RNGTT: variants seen among roughly 807,000 people sequenced by gnomAD.
RNGTT encodes RNA guanylyltransferase and 5'-phosphatase.
In RNGTT, 33 loss-of-function variants were observed where a neutral mutation model predicts 79.3. The observed-to-expected ratio is 0.42, with a 90% CI of 0.32 to 0.56. RNGTT has a LOEUF of 0.56. RNGTT is among the 20% of genes least tolerant of loss of function. RNGTT has a pLI of 0.17. For missense variants in RNGTT, 497 were observed against 739.1 expected, an observed-to-expected ratio of 0.67 and a Z score of 3.80; for synonymous variants, 222 against 235.9, an observed-to-expected ratio of 0.94 and a Z score of 0.54.
chr6:88,871,786 T>A (rs1232404519), intron 8 of RNGTT, among the ~76,000 whole-genome samples: 1 of 152,100 alleles, frequency 6.6e-6, no homozygotes, highest in Admixed American at 6.6e-5. Context: ...GGAATTAAGC[T>A]ACCATAAATC....
chr6:88,790,257 A>G (rs1365227167), intron 12 of RNGTT, among the ~76,000 whole-genome samples: 1 of 152,224 alleles, frequency 6.6e-6, no homozygotes, highest in Non-Finnish European at 1.5e-5. Flanking sequence ...ATAACAGGTA[A>G]CCTAGAAGGC....
At chr6:88,896,861 T>C (rs776679686) in intron 6 of RNGTT, among the ~76,000 whole-genome samples, 50 of 152,182 alleles carry the variant, frequency 3.3e-4, no homozygotes, top group Non-Finnish European at 6.6e-4. Flanking sequence ...TCAACATCCA[T>C]TGAAATAACT....
chr6:88,891,996 G>C (rs1254288591), intron 6 of RNGTT, 81 bp from the exon 7 acceptor site: 1 of 949,454 alleles, frequency 1.1e-6, no homozygotes, highest in Non-Finnish European at 1.5e-6. Context: ...AAGAGACTGA[G>C]AGATAAATTA....
chr6:88,711,292 C>A (rs917752088), intron 13 of RNGTT, among the ~76,000 whole-genome samples: 1 of 152,120 alleles, frequency 6.6e-6, no homozygotes, highest in Non-Finnish European at 1.5e-5. Context: ...AGACACCTTA[C>A]CAAGAATTAG....
intron 14 of RNGTT, among the ~76,000 whole-genome samples, chr6:88,643,064 A>T (rs1385687629): frequency 6.6e-6 from 1 of 152,158 alleles, no homozygotes; most frequent in Non-Finnish European, 1.5e-5. Flanking sequence ...TTAAGTCAAA[A>T]ATGCATTTAA....
rs547733486 is a variant in RNGTT, at chr6:88,776,956, G to C, written c.1339-7082C>G. Among the ~76,000 whole-genome samples, 6 of 152,196 alleles carry C rather than the reference G, an allele frequency of 3.9e-5. No individual in the cohort carries two copies. In the South Asian group the frequency reaches 1.2e-3, roughly 32 times the overall value. On this transcript the variant is annotated intron_variant, in intron 12 of 15. Transcript: ENST00000369485. ...CAACATCAAGGAGCTTTTCCACTAT[G>C]TTTTCTTCTAGGAGTTTTACAGTTT...
chr6:88,657,209 T>TGA (rs138485015), intron 14 of RNGTT, among the ~76,000 whole-genome samples: 3,544 of 152,232 alleles, frequency 0.023, 156 homozygotes, highest in African/African-American at 0.079. Flanking sequence ...TCCCAAAGTA[T>TGA]GACAGGGGAA....
chr6:88,630,923 T>C (rs752624820), intron 14 of RNGTT, among the ~76,000 whole-genome samples: 2 of 152,244 alleles, frequency 1.3e-5, no homozygotes, highest in Admixed American at 6.5e-5. Context: ...AGCACTTCAA[T>C]TGAACATACA....
chr6:88,818,237 A>G (rs1011071670), intron 11 of RNGTT, among the ~76,000 whole-genome samples: 2 of 152,148 alleles, frequency 1.3e-5, no homozygotes, highest in Non-Finnish European at 2.9e-5. Context: ...TTTGAAAGTC[A>G]GCATATTAGA....
chr6:88,664,343 C>T (rs1332031196), intron 14 of RNGTT, among the ~76,000 whole-genome samples: 2 of 152,130 alleles, frequency 1.3e-5, no homozygotes, highest in Non-Finnish European at 2.9e-5. Context: ...TGAAAATCAG[C>T]GCATGATTAA....
chr6:88,647,483 G>A (rs1773610743), intron 14 of RNGTT, among the ~76,000 whole-genome samples: 1 of 152,008 alleles, frequency 6.6e-6, no homozygotes, highest in Non-Finnish European at 1.5e-5. Flanking sequence ...AGCACTTTGG[G>A]AGGCCAAGAC....
chr6:88,824,144 G>C (rs182546218), intron 11 of RNGTT, among the ~76,000 whole-genome samples: 69 of 152,206 alleles, frequency 4.5e-4, no homozygotes, highest in Non-Finnish European at 9.0e-4. Context: ...TTAACAACAG[G>C]AGTGTCTTCT....
chr6:88,726,521 A>G (rs948157225), intron 13 of RNGTT, among the ~76,000 whole-genome samples: 4 of 152,228 alleles, frequency 2.6e-5, no homozygotes, highest in Non-Finnish European at 5.9e-5. Flanking sequence ...GTTTCCTAAC[A>G]TGGGATCTAA....
chr6:88,647,701 T>TAAAAAAAAAAAAAAAAAAAAA lies in RNGTT; in HGVS notation c.1506+30651_1506+30652insTTTTTTTTTTTTTTTTTTTTT, dbSNP rs746472579. Among the ~76,000 whole-genome samples, 174 of 100,774 alleles carry TAAAAAAAAAAAAAAAAAAAAA rather than the reference T, an allele frequency of 1.7e-3. 1 individual carries two copies. The highest frequency in any genetic ancestry group is 4.9e-3 in the Middle Eastern group (1 of 206). 66.1% of individuals were successfully genotyped at this position (100,774 alleles called of 152,430 possible). ...CTGGGTGACAGAACCGACACCCTGTTAAAAAAAAAAAAAAAAGAAGAAGAA... is the reference window on the plus strand; with the variant it reads ...CTGGGTGACAGAACCGACACCCTGTTAAAAAAAAAAAAAAAAAAAAAAAAAAAAAAAAAAAAAGAAGAAGAA... On this transcript the variant is annotated intron_variant, in intron 14 of 15. Transcript: ENST00000369485.
Position 88,839,139 on chromosome 6 carries a change from T to C in RNGTT, c.1269+5218A>G, listed in dbSNP as rs578101573. Among the ~76,000 whole-genome samples the C allele has an allele frequency of 9.9e-5, 15 of 152,080 alleles. No homozygotes were observed. In the South Asian group the frequency reaches 1.7e-3, roughly 17 times the overall value. ...TGTTAGCTAAGTTATGGCATACTGA[T>C]ACAATGAAAATCTGTGCAACTGTTA... On this transcript the variant is annotated intron_variant, in intron 11 of 15. Coordinates refer to ENST00000369485, the MANE Select transcript of RNGTT (RefSeq NM_003800.5).
intron 1 of RNGTT, among the ~76,000 whole-genome samples, chr6:88,962,779 A>G (rs1785680623): frequency 6.6e-6 from 1 of 152,028 alleles, no homozygotes; most frequent in Admixed American, 6.6e-5. Flanking sequence ...ATAAATAAAA[A>G]AATTAGCCGG....
At chr6:88,755,959 C>CAAAAAAAAAAAAAAAAAAAAAAAAAA (rs1157096180) in intron 13 of RNGTT, among the ~76,000 whole-genome samples, 2 of 30,526 alleles carry the variant, frequency 6.6e-5, no homozygotes, top group African/African-American at 1.0e-4. Flanking sequence ...GACTCCGTCT[C>CAAAAAAAAAAAAAAAAAAAAAAAAAA]AAAAAAAAAA....
chr6:88,755,554 G>T (rs1777983112), intron 13 of RNGTT, among the ~76,000 whole-genome samples: 1 of 152,026 alleles, frequency 6.6e-6, no homozygotes, highest in Non-Finnish European at 1.5e-5. Context: ...TCCAATAAAA[G>T]CTAGGGGGGA....
chr6:88,951,396 GAAGAAAGTTCTACCATGGCTA>G lies in RNGTT; in HGVS notation c.65-10237_65-10217del, dbSNP rs1398264336. Among the ~76,000 whole-genome samples, 8 of 152,224 alleles carry G rather than the reference GAAGAAAGTTCTACCATGGCTA, an allele frequency of 5.3e-5. No individual in the cohort carries two copies. In the South Asian group the frequency reaches 8.3e-4, roughly 16 times the overall value. On this transcript the variant is annotated intron_variant, in intron 1 of 15. Coordinates refer to ENST00000369485, the MANE Select transcript of RNGTT (RefSeq NM_003800.5). The stretch of plus-strand genomic sequence containing the variant: ...GTTGGGGAGAATTGACTCCACCCCT[GAAGAAAGTTCTACCATGGCTA>G]AAGAAAGTTCTACCATGGCTAAAAT...
Sources: allele counts gnomAD v4.1 joint callset (sites outside exome capture counted in the v4.1 genomes callset), GRCh38; gene constraint gnomAD v4.1.1; transcripts MANE v1.5; gene names NCBI Gene and HGNC (gene_info 2026-07-23, HGNC 2026-07-21).